NUCB1: variants seen among roughly 807,000 people sequenced by gnomAD.
NUCB1 encodes the protein nucleobindin-1.
In NUCB1, 47 loss-of-function variants were observed where a neutral mutation model predicts 61.2. The ratio of observed to expected loss-of-function variants is 0.77; its 90% CI spans 0.61 to 0.98. NUCB1 has a LOEUF of 0.98. Among genes scored for constraint, NUCB1 ranks in the 50% least tolerant of loss-of-function variants. NUCB1 has a pLI of 0.00. For synonymous variants in NUCB1, 234 were observed against 243.1 expected, an observed-to-expected ratio of 0.96 and a Z score of 0.35; for missense variants, 583 against 605.3, an observed-to-expected ratio of 0.96 and a Z score of 0.39.
chr19:48,916,171 CGTGTGTGTGTGT>C (rs143557740), intron 7 of NUCB1, among the ~76,000 whole-genome samples: 2 of 147,698 alleles, frequency 1.4e-5, no homozygotes, highest in South Asian at 2.2e-4. Context: ...TGGTATTTGT[CGTGTGTGTGTGT>C]GTGTGTGTGT....
In NUCB1 at chr19:48,921,464, G is replaced by C; in HGVS notation, c.1173+140G>C. The C allele has an allele frequency of 3.1e-6, 3 of 971,564 alleles. No individual in the cohort carries two copies. In the East Asian group the frequency reaches 7.8e-5, roughly 25 times the overall value. The allele number at this position is 971,564 out of a possible 1,614,324, so 60.2% of individuals were successfully genotyped here. On this transcript the variant is annotated intron_variant, in intron 11 of 12. Transcript: ENST00000405315. ...AGCCTCAAGTATTCACCGCCATCTTGAGTAAGGGCAGACGTTTTCCCGTCT... is the reference window on the plus strand; with the variant it reads ...AGCCTCAAGTATTCACCGCCATCTTCAGTAAGGGCAGACGTTTTCCCGTCT...
chr19:48,922,190 T>C (rs2037618430), intron 12 of NUCB1, 128 bp from the exon 13 acceptor site: 1 of 497,386 alleles, frequency 2.0e-6, no homozygotes, highest in African/African-American at 4.4e-5. Context: ...GCTGGACCCC[T>C]GGGTGTGAGG....
chr19:48,914,985 T>A (rs1434216023), intron 7 of NUCB1, among the ~76,000 whole-genome samples: 1 of 151,328 alleles, frequency 6.6e-6, no homozygotes, highest in African/African-American at 2.4e-5. Flanking sequence ...GAGGCTGAGG[T>A]GGGAGAATCA....
intron 4 of NUCB1, 65 bp downstream of exon 4, chr19:48,905,950 C>T: frequency 7.0e-7 from 1 of 1,437,818 alleles, no homozygotes; most frequent in Non-Finnish European, 9.5e-7. Context: ...TCACTCCCGG[C>T]CTCCAGGTGG....
Position 48,921,382 on chromosome 19 carries a change from C to T in NUCB1, c.1173+58C>T, listed in dbSNP as rs114208291. 3.3e-3 allele frequency: 5,001 copies of T among 1,532,674 alleles called. 131 individuals are homozygous for T. In the African/African-American group the frequency reaches 0.06, roughly 18 times the overall value. 94.9% of individuals were successfully genotyped at this position (1,532,674 alleles called of 1,614,324 possible). On this transcript the variant is annotated intron_variant, in intron 11 of 12. Coordinates refer to ENST00000405315, the MANE Select transcript of NUCB1 (RefSeq NM_006184.6). ...AATCTCTGGCTGCCCGTGTCCGTGT[C>T]CCCATGGGTGTCCAGAAGCTGGGAA...
chr19:48,912,929 G>A, intron 5 of NUCB1, 82 bp from the exon 6 acceptor site: 1 of 1,134,324 alleles, frequency 8.8e-7, no homozygotes, highest in Non-Finnish European at 1.2e-6. Flanking sequence ...CCAGGTTCAG[G>A]GCCAAGGGCC....
intron 2 of NUCB1, among the ~76,000 whole-genome samples, chr19:48,903,882 A>ATGGG (rs1568583287): frequency 2.7e-5 from 2 of 73,072 alleles, no homozygotes; most frequent in Non-Finnish European, 5.6e-5. Flanking sequence ...GGATGGATGG[A>ATGGG]TGGGTGGGTG....
Position 48,919,274 on chromosome 19 carries a change from G to C in NUCB1, c.990G>C (p.Gly330=). ...STQRKEFGDT[G]EGWETVEMHP... ...AGAGGAAGGAGTTTGGGGACACCGG[G>C]GAGGGCTGGGAGGTGAGAACATGGG... The change falls in exon 10 of 13, where the codon GGG becomes GGC. Residue 330 remains glycine (G), a synonymous_variant. Coordinates refer to ENST00000405315, the MANE Select transcript of NUCB1 (RefSeq NM_006184.6). The C allele has an allele frequency of 1.9e-6, 3 of 1,613,294 alleles. No homozygotes were observed. Among genetic ancestry groups the C allele is most frequent in the Non-Finnish European group, 2.5e-6 (3 of 1,179,376 alleles).
At chr19:48,900,620 A>G (rs920572251) in intron 1 of NUCB1, 166 bp from the exon 2 acceptor site, 66 of 879,952 alleles carry the variant, frequency 7.5e-5, no homozygotes, top group Non-Finnish European at 1.1e-4. Flanking sequence ...CCTGTGTCGG[A>G]GGAAGGGAAG....
chr19:48,913,033 A>G lies in NUCB1; in HGVS notation c.503A>G (p.Tyr168Cys), dbSNP rs752172153. The change falls in exon 6 of 13, where the codon TAC (tyrosine) becomes TGC (cysteine). Residue 168 changes from tyrosine to cysteine, a missense_variant. Tyr to Cys is a radical substitution (Grantham distance 194). Transcript: ENST00000405315. ...IQTATRDLAQ[Y>C]DAAHHEEFKR... is the part of the protein sequence containing the mutation. Reference sequence around the variant, plus strand: ...CAGGCCACCCGGGACCTTGCCCAGTACGACGCAGCCCATCATGAAGAGTTC... The same window carrying G: ...CAGGCCACCCGGGACCTTGCCCAGTGCGACGCAGCCCATCATGAAGAGTTC... 2 of 1,612,860 alleles carry G rather than the reference A, an allele frequency of 1.2e-6. No homozygotes were observed. Among genetic ancestry groups the G allele is most frequent in the East Asian group, 2.2e-5 (1 of 44,852 alleles).
rs201423625 is a variant in NUCB1 at position 48,904,369 on chromosome 19, G to A, written c.158G>A (p.Arg53Gln). 3.0e-5 allele frequency: 48 copies of A among 1,613,116 alleles called. No homozygotes were observed. The highest frequency in any genetic ancestry group is 1.9e-4 in the South Asian group (17 of 91,044). Residue 53 changes from arginine (R) to glutamine (Q), a missense_variant, in exon 3 of 13, where the codon CGG becomes CAG. Transcript: ENST00000405315. ...ESPDTGLYYHRYLQEVIDVLE... is the reference protein window; with the variant it reads ...ESPDTGLYYHQYLQEVIDVLE... The stretch of plus-strand genomic sequence containing the variant: ...CAGGACACAGGCCTGTACTACCACC[G>A]GTACCTCCAGGAGGTCATCGATGTA...
chr19:48,900,563 G>A (rs2037342666), intron 1 of NUCB1, 191 bp downstream of exon 1: 1 of 590,540 alleles, frequency 1.7e-6, no homozygotes, highest in Non-Finnish European at 3.0e-6. Flanking sequence ...GAGTGTGAGA[G>A]AGGAGCGTGT....
At chr19:48,907,272 CTT>C (rs1234696613) in intron 4 of NUCB1, among the ~76,000 whole-genome samples, 10 of 122,454 alleles carry the variant, frequency 8.2e-5, no homozygotes, top group Non-Finnish European at 6.9e-5. Flanking sequence ...CGCGCCTGGC[CTT>C]TTTTTTTTTT....
intron 1 of NUCB1, 128 bp from the exon 2 acceptor site, chr19:48,900,658 G>C (rs2122157093): frequency 3.9e-6 from 5 of 1,282,852 alleles, no homozygotes; most frequent in Middle Eastern, 2.1e-4. Flanking sequence ...CTGGGGCCTG[G>C]GTAACAAAAT....
intron 3 of NUCB1, among the ~76,000 whole-genome samples, chr19:48,905,213 C>T (rs2037398651): frequency 6.6e-6 from 1 of 152,176 alleles, no homozygotes; most frequent in South Asian, 2.1e-4. Context: ...CAACAGAATG[C>T]TCCTATGGTG....
chr19:48,912,861 A>C (rs916268206), intron 5 of NUCB1, 150 bp from the exon 6 acceptor site: 174 of 442,222 alleles, frequency 3.9e-4, no homozygotes, highest in Middle Eastern at 6.0e-4. Context: ...AAAAAAAAAA[A>C]AGGGACATTA....
At position 48,911,258 on chromosome 19, in the gene NUCB1, G is replaced by A. The variant is rs908629122; in HGVS notation, c.480+6G>A. On this transcript the variant is annotated splice_donor_region_variant and intron_variant, in intron 5 of 12. Transcript: ENST00000405315. ...TGGAGCTGCTGATCCAGACGGTAAT[G>A]GGAGTGGGTCCGGAGGCAGAGGATT... The A allele has an allele frequency of 6.2e-7, 1 of 1,605,408 alleles. No individual in the cohort carries two copies. Among genetic ancestry groups the A allele is most frequent in the Non-Finnish European group, 8.5e-7 (1 of 1,172,302 alleles).
At chr19:48,913,333 G>C (rs2037500965) in intron 6 of NUCB1, 137 bp downstream of exon 6, 1 of 1,201,588 alleles carries the variant, frequency 8.3e-7, no homozygotes, top group Admixed American at 2.3e-5. Flanking sequence ...GGCTGCCCCA[G>C]GGTCTGCTGG....
In NUCB1 at chr19:48,914,909, C is replaced by T. The variant is rs376208620; in HGVS notation, c.757+1345C>T. Among the ~76,000 whole-genome samples the T allele has an allele frequency of 4.7e-5, 7 of 148,802 alleles. No homozygotes were observed. The East Asian group carries it at 8.2e-4, about 17-fold the overall frequency. On this transcript the variant is annotated intron_variant, in intron 7 of 12. Transcript: ENST00000405315. Reference sequence around the variant, plus strand: ...CAGCCTGGCCAACATGGTGAAACCCCATCTCCACAAAAATACCAAAATTAG... The same window carrying T: ...CAGCCTGGCCAACATGGTGAAACCCTATCTCCACAAAAATACCAAAATTAG...
Sources: gnomAD v4.1 joint callset for allele counts (sites outside exome capture counted in the v4.1 genomes callset) on GRCh38, gnomAD v4.1.1 for gene constraint, MANE v1.5 for transcripts, NCBI Gene and HGNC (gene_info 2026-07-23, HGNC 2026-07-21) for gene names.